Variants in PALS1 observed in about 807,000 individuals in gnomAD.
PALS1 encodes protein associated with LIN7 1, MAGUK p55 family member.
Under a neutral mutation model 78.9 loss-of-function variants are expected in PALS1, and 31 were observed. The observed-to-expected ratio is 0.39, with a 90% CI of 0.30 to 0.53. The LOEUF (loss-of-function observed/expected upper bound fraction) is 0.53. Ranked by LOEUF, PALS1 falls within the 20% of genes least tolerant of loss-of-function variation. The pLI is 0.67. For synonymous variants in PALS1, 276 were observed against 270.9 expected (o/e 1.02, Z -0.18); for missense variants, 704 against 826.5 (o/e 0.85, Z 1.82).
chr14:67,270,984 G>A (rs2084398823), intron 2 of PALS1: 1 of 152,164 alleles, frequency 6.6e-6, no homozygotes. Context: ...AAATGAGGAA[G>A]GTAAATTAGA....
intron 4 of PALS1, among the ~76,000 whole-genome samples, chr14:67,293,547 T>C (rs1344981918): frequency 6.6e-6 from 1 of 152,124 alleles, no homozygotes; most frequent in Admixed American, 6.5e-5. Context: ...AAGGGAGATA[T>C]TTTTCTCACT....
intron 2 of PALS1, among the ~76,000 whole-genome samples, chr14:67,276,259 T>G (rs138452586): frequency 6.6e-5 from 10 of 152,194 alleles, no homozygotes; most frequent in Non-Finnish European, 1.3e-4. Context: ...TTTATCATTA[T>G]TCATGTACAG....
At chr14:67,322,737 A>G (rs2141001547) in intron 13 of PALS1, among the ~76,000 whole-genome samples, 1 of 150,150 alleles carries the variant, frequency 6.7e-6, no homozygotes, top group South Asian at 2.2e-4. Context: ...ATTTCTCCAG[A>G]AAAAAGGGCT....
chr14:67,279,132 T>C lies in PALS1; in HGVS notation c.-39T>C, dbSNP rs961192003. 2.0e-6 allele frequency: 3 copies of C among 1,484,804 alleles called. No individual in the cohort carries two copies. Among genetic ancestry groups the C allele is most frequent in the South Asian group, 3.0e-5 (2 of 67,336 alleles). 92.0% of individuals were successfully genotyped at this position (1,484,804 alleles called of 1,614,324 possible). A position where few individuals can be genotyped will look rare whatever the true frequency, so the allele number is the denominator to read the frequency against. On this transcript the variant is annotated 5_prime_UTR_variant, in exon 3 of 15. Coordinates refer to ENST00000261681, the MANE Select transcript of PALS1 (RefSeq NM_022474.4). The stretch of plus-strand genomic sequence containing the variant: ...CAAGAGAATTGGCTTATAGGAAAAA[T>C]TGATTTATAAAAAGTGGTACAGGTT...
chr14:67,334,582 G>A lies in PALS1; in HGVS notation c.*1626G>A, dbSNP rs566893949. 56 of 152,292 alleles carry A rather than the reference G, an allele frequency of 3.7e-4. No homozygotes were observed. The Middle Eastern group carries it at 0.017, about 46-fold the overall frequency. The allele number at this position is 152,292 out of a possible 1,614,324, so 9.4% of individuals were successfully genotyped here. A position where few individuals can be genotyped will look rare whatever the true frequency, so the allele number is the denominator to read the frequency against. ...AACAAATGTAGACAGTTTATATGTC[G>A]CCTTTTTCTGTTCAAATTTGCATGG... On this transcript the variant is annotated 3_prime_UTR_variant, in exon 15 of 15. Coordinates refer to ENST00000261681, the MANE Select transcript of PALS1 (RefSeq NM_022474.4).
rs915305388 is a variant in PALS1, at chr14:67,333,634, T to C, written c.*678T>C. ...ATCAGACTCTACACTCAACACACTC[T>C]AATCTACTTAAAGGTATACAAAATA... On this transcript the variant is annotated 3_prime_UTR_variant, in exon 15 of 15. Coordinates refer to ENST00000261681, the MANE Select transcript of PALS1 (RefSeq NM_022474.4). 3 of 152,644 alleles carry C rather than the reference T, an allele frequency of 2.0e-5. No individual in the cohort carries two copies. Among genetic ancestry groups the C allele is most frequent in the African/African-American group, 7.2e-5 (3 of 41,460 alleles). 9.5% of individuals were successfully genotyped at this position (152,644 alleles called of 1,614,324 possible). A position where few individuals can be genotyped will look rare whatever the true frequency, so the allele number is the denominator to read the frequency against.
At chr14:67,307,852 T>C (rs1452312515) in intron 8 of PALS1, among the ~76,000 whole-genome samples, 1 of 152,058 alleles carries the variant, frequency 6.6e-6, no homozygotes, top group Non-Finnish European at 1.5e-5. Context: ...CGATGATAGA[T>C]TCGATAAAGA....
intron 9 of PALS1, among the ~76,000 whole-genome samples, chr14:67,315,865 C>T (rs1381379649): frequency 3.3e-5 from 5 of 152,190 alleles, no homozygotes; most frequent in African/African-American, 1.2e-4. Context: ...GCGGAGGTTG[C>T]GGTGAGCCAA....
Position 67,279,131 on chromosome 14 carries a change from A to G in PALS1, c.-40A>G. 6.7e-7 allele frequency: 1 copy of G among 1,500,382 alleles called. No homozygotes were observed. The highest frequency in any genetic ancestry group is 8.9e-7 in the Non-Finnish European group (1 of 1,127,960). The allele number at this position is 1,500,382 out of a possible 1,614,324, so 92.9% of individuals were successfully genotyped here. A position where few individuals can be genotyped will look rare whatever the true frequency, so the allele number is the denominator to read the frequency against. ...TCAAGAGAATTGGCTTATAGGAAAA[A>G]TTGATTTATAAAAAGTGGTACAGGT... On this transcript the variant is annotated 5_prime_UTR_variant, in exon 3 of 15. Transcript: ENST00000261681.
chr14:67,326,501 T>C (rs1040536971), intron 14 of PALS1, among the ~76,000 whole-genome samples: 2 of 152,178 alleles, frequency 1.3e-5, no homozygotes, highest in Admixed American at 6.5e-5. Context: ...TTACCTACAA[T>C]ACATGCATTT....
At position 67,335,927 on chromosome 14, in the gene PALS1, G is replaced by A. The variant is rs930268453; in HGVS notation, c.*2971G>A. 4 of 152,220 alleles carry A rather than the reference G, an allele frequency of 2.6e-5. No homozygotes were observed. Among genetic ancestry groups the A allele is most frequent in the Admixed American group, 6.5e-5 (1 of 15,276 alleles). 9.4% of individuals were successfully genotyped at this position (152,220 alleles called of 1,614,324 possible). A position where few individuals can be genotyped will look rare whatever the true frequency, so the allele number is the denominator to read the frequency against. On this transcript the variant is annotated 3_prime_UTR_variant, in exon 15 of 15. Transcript: ENST00000261681. ...AAAAGCAAGACCATTGGATCCTCCAGCTACAACACAAAATACTTTTTGATT... is the reference window on the plus strand; with the variant it reads ...AAAAGCAAGACCATTGGATCCTCCAACTACAACACAAAATACTTTTTGATT...
intron 14 of PALS1, among the ~76,000 whole-genome samples, chr14:67,324,702 G>A (rs1335579095): frequency 6.6e-6 from 1 of 151,764 alleles, no homozygotes; most frequent in Non-Finnish European, 1.5e-5. Context: ...TCTCACCCCA[G>A]CCTGTCCAAG....
At chr14:67,244,934 GGAAA>G (rs1567495522) in intron 1 of PALS1, among the ~76,000 whole-genome samples, 1 of 152,084 alleles carries the variant, frequency 6.6e-6, no homozygotes, top group Non-Finnish European at 1.5e-5. Flanking sequence ...CTTTAAAAAA[GGAAA>G]GAGAGAGGCA....
intron 14 of PALS1, among the ~76,000 whole-genome samples, chr14:67,324,275 A>G (rs978886898): frequency 2.0e-5 from 3 of 152,192 alleles, no homozygotes; most frequent in Admixed American, 6.5e-5. Flanking sequence ...GATCTATGCT[A>G]GATATGGTTG....
intron 14 of PALS1, among the ~76,000 whole-genome samples, chr14:67,325,254 T>C (rs1258149058): frequency 6.6e-6 from 1 of 152,112 alleles, no homozygotes; most frequent in Non-Finnish European, 1.5e-5. Flanking sequence ...TTCCTCTTCC[T>C]CTTCACCCTC....
chr14:67,252,122 A>G (rs932759448), intron 1 of PALS1, among the ~76,000 whole-genome samples: 4 of 152,098 alleles, frequency 2.6e-5, no homozygotes, highest in African/African-American at 9.7e-5. Flanking sequence ...CTTATAATAA[A>G]CCAGTAATAG....
chr14:67,266,876 G>A (rs1469145603), intron 1 of PALS1, among the ~76,000 whole-genome samples: 3 of 152,130 alleles, frequency 2.0e-5, no homozygotes, highest in South Asian at 2.1e-4. Flanking sequence ...TTGGGAGGCC[G>A]AGGTGGACAG....
rs1329270276 is a variant in PALS1 at position 67,333,044 on chromosome 14, A to G, written c.*88A>G. 2.5e-6 allele frequency: 3 copies of G among 1,178,136 alleles called. No individual in the cohort carries two copies. The highest frequency in any genetic ancestry group is 4.8e-5 in the East Asian group (2 of 41,668). The allele number at this position is 1,178,136 out of a possible 1,614,324, so 73.0% of individuals were successfully genotyped here. ...GCCCGACACTGCAGCAAGATTGAGGATAAGATGGAAGGCAGCAGTATAAGC... is the reference window on the plus strand; with the variant it reads ...GCCCGACACTGCAGCAAGATTGAGGGTAAGATGGAAGGCAGCAGTATAAGC... On this transcript the variant is annotated 3_prime_UTR_variant, in exon 15 of 15. Transcript: ENST00000261681.
chr14:67,321,161 C>T lies in PALS1; in HGVS notation c.1642C>T (p.His548Tyr). The T allele has an allele frequency of 6.2e-7, 1 of 1,614,130 alleles. No homozygotes were observed. Among genetic ancestry groups the T allele is most frequent in the South Asian group, 1.1e-5 (1 of 91,088 alleles). Residue 548 changes from histidine (H) to tyrosine (Y), a missense_variant, in exon 13 of 15, where the codon CAT (histidine) becomes TAT (tyrosine). Coordinates refer to ENST00000261681, the MANE Select transcript of PALS1 (RefSeq NM_022474.4). ...ADIAAGKFIE[H>Y]GEFEKNLYGT... Reference sequence around the variant, plus strand: ...CATAGCAGCTGGAAAGTTCATTGAGCATGGTGAATTTGAGAAGAATTTGTA... The same window carrying T: ...CATAGCAGCTGGAAAGTTCATTGAGTATGGTGAATTTGAGAAGAATTTGTA...
Sources: allele counts gnomAD v4.1 joint callset (sites outside exome capture counted in the v4.1 genomes callset), GRCh38; gene constraint gnomAD v4.1.1; transcripts MANE v1.5; gene names NCBI Gene and HGNC (gene_info 2026-07-23, HGNC 2026-07-21).